Variants in GABRG2 observed in about 807,000 individuals in gnomAD.
GABRG2 encodes gamma-aminobutyric acid receptor subunit gamma-2.
GABRG2 carries 16 observed loss-of-function variants against 56.4 expected under a neutral mutation model. The observed-to-expected ratio is 0.28, with a 90% confidence interval of 0.19 to 0.43. The LOEUF (loss-of-function observed/expected upper bound fraction) is 0.43, where lower values mean the gene tolerates loss of function less well. Ranked by LOEUF, GABRG2 falls within the 20% of genes least tolerant of loss-of-function variation. The pLI is 1.00. For missense variants in GABRG2, 327 were observed against 582.7 expected (o/e 0.56, Z 4.52); for synonymous variants, 208 against 205.5 (o/e 1.01, Z -0.10).
intron 6 of GABRG2, among the ~76,000 whole-genome samples, chr5:162,111,018 G>T (rs2113418434): frequency 6.6e-6 from 1 of 152,152 alleles, no homozygotes; most frequent in Non-Finnish European, 1.5e-5. Flanking sequence ...TTGATTAGAT[G>T]CTTCTCTAAA....
intron 1 of GABRG2, among the ~76,000 whole-genome samples, chr5:162,087,360 T>A (rs940553293): frequency 6.6e-6 from 1 of 152,074 alleles, no homozygotes; most frequent in African/African-American, 2.4e-5. Context: ...GGTTAAATAT[T>A]TATCATTTTC....
chr5:162,068,390 C>T (rs1208501805), intron 1 of GABRG2, among the ~76,000 whole-genome samples: 1 of 152,020 alleles, frequency 6.6e-6, no homozygotes, highest in Non-Finnish European at 1.5e-5. Context: ...AGCATTTTGA[C>T]ATTATTGCAA....
intron 1 of GABRG2, among the ~76,000 whole-genome samples, chr5:162,087,074 A>G (rs1012062241): frequency 1.2e-4 from 18 of 151,962 alleles, no homozygotes; most frequent in African/African-American, 2.4e-4. Context: ...TTTCCCTTTT[A>G]TTTAAGAAGG....
chr5:162,087,536 A>G (rs1760222039), intron 1 of GABRG2, among the ~76,000 whole-genome samples: 1 of 152,128 alleles, frequency 6.6e-6, no homozygotes, highest in South Asian at 2.1e-4. Flanking sequence ...ATACATACAA[A>G]GAAGCATAGA....
intron 6 of GABRG2, among the ~76,000 whole-genome samples, chr5:162,123,081 A>T (rs1310207889): frequency 6.6e-6 from 1 of 151,806 alleles, no homozygotes; most frequent in African/African-American, 2.4e-5. Flanking sequence ...CATGAAAATC[A>T]TTGTATATTT....
rs150379599 is a variant in GABRG2 at position 162,141,239 on chromosome 5, G to A, written c.770-925G>A. Among the ~76,000 whole-genome samples, 1,395 of 152,130 alleles carry A rather than the reference G, an allele frequency of 9.2e-3. 31 individuals are homozygous for A. The highest frequency in any genetic ancestry group is 0.032 in the African/African-American group (1,332 of 41,516). Reference sequence around the variant, plus strand: ...TTTTTAGTAGAGACGGGGTTTCACCGTGTTAGCCAGGATGGTCTCGATTTC... The same window carrying A: ...TTTTTAGTAGAGACGGGGTTTCACCATGTTAGCCAGGATGGTCTCGATTTC... On this transcript the variant is annotated intron_variant, in intron 6 of 9. Coordinates refer to ENST00000639213, the MANE Select transcript of GABRG2 (RefSeq NM_198904.4).
At chr5:162,138,936 T>C (rs1035705732) in intron 6 of GABRG2, among the ~76,000 whole-genome samples, 2 of 152,032 alleles carry the variant, frequency 1.3e-5, no homozygotes, top group Non-Finnish European at 2.9e-5. Context: ...TAGTTTCATG[T>C]GGAAAATGAG....
intron 6 of GABRG2, among the ~76,000 whole-genome samples, chr5:162,121,632 G>T (rs1233969662): frequency 6.6e-6 from 1 of 152,038 alleles, no homozygotes; most frequent in Non-Finnish European, 1.5e-5. Context: ...TCCTTTATAA[G>T]ACTGACTGTA....
At chr5:162,074,542 T>A (rs1758935011) in intron 1 of GABRG2, among the ~76,000 whole-genome samples, 1 of 152,054 alleles carries the variant, frequency 6.6e-6, no homozygotes, top group Non-Finnish European at 1.5e-5. Flanking sequence ...TTACTGTATA[T>A]TTATATAAAT....
chr5:162,144,782 G>A (rs752244816), intron 7 of GABRG2, among the ~76,000 whole-genome samples: 1 of 152,206 alleles, frequency 6.6e-6, no homozygotes, highest in South Asian at 2.1e-4. Flanking sequence ...GGTGAGAAGC[G>A]GAGCTGAGCC....
intron 2 of GABRG2, among the ~76,000 whole-genome samples, chr5:162,095,156 G>A (rs1308174895): frequency 1.3e-5 from 2 of 152,132 alleles, no homozygotes; most frequent in Non-Finnish European, 2.9e-5. Flanking sequence ...CAATTTCAGA[G>A]CTTGAAGGAA....
rs777266512 is a variant in GABRG2, at chr5:162,093,814, A to G, written c.108-14A>G. On this transcript the variant is annotated splice_polypyrimidine_tract_variant and intron_variant, in intron 1 of 9. Coordinates refer to ENST00000639213, the MANE Select transcript of GABRG2 (RefSeq NM_198904.4). Reference sequence around the variant, plus strand: ...GTAATCTATGTGTTTTTTGACCAATATGTTTTTTCTTAGCTTCACTAGCCA... The same window carrying G: ...GTAATCTATGTGTTTTTTGACCAATGTGTTTTTTCTTAGCTTCACTAGCCA... 6 of 1,611,884 alleles carry G rather than the reference A, an allele frequency of 3.7e-6. No homozygotes were observed. In the Admixed American group the frequency reaches 1.0e-4, roughly 27 times the overall value.
intron 1 of GABRG2, among the ~76,000 whole-genome samples, chr5:162,082,196 A>G (rs1759720757): frequency 6.6e-6 from 1 of 151,844 alleles, no homozygotes; most frequent in Non-Finnish European, 1.5e-5. Flanking sequence ...GGGAAGAAGC[A>G]TGGATTCTAT....
chr5:162,149,073 A>G (rs1346174137), intron 7 of GABRG2, 35 bp from the exon 8 acceptor site: 1 of 1,602,962 alleles, frequency 6.2e-7, no homozygotes, highest in East Asian at 2.2e-5. Flanking sequence ...TTGCTTATGC[A>G]ATCACATGAC....
rs903226138 is a variant in GABRG2 at position 162,149,494 on chromosome 5, A to C, written c.1128+181A>C. 5 of 733,444 alleles carry C rather than the reference A, an allele frequency of 6.8e-6. No homozygotes were observed. In the African/African-American group the frequency reaches 8.5e-5, roughly 13 times the overall value. 45.4% of individuals were successfully genotyped at this position (733,444 alleles called of 1,614,324 possible). On this transcript the variant is annotated intron_variant, in intron 8 of 9. Coordinates refer to ENST00000639213, the MANE Select transcript of GABRG2 (RefSeq NM_198904.4). ...TCATTAGTTACTTGAGAGAGACTCA[A>C]GTCTGTTTCTATTTTCTGTGTCAGA...
At chr5:162,067,758 G>A, upstream of GABRG2, 2 of 610,660 alleles carry the variant, frequency 3.3e-6, no homozygotes, top group Non-Finnish European at 5.8e-6. Context: ...TACTCCCCCA[G>A]ACTTGGAAGC....
intron 4 of GABRG2, chr5:162,098,951 A>C (rs896023945): frequency 3.3e-5 from 5 of 152,152 alleles, no homozygotes; most frequent in African/African-American, 1.2e-4. Flanking sequence ...AGTTGCTATA[A>C]GGACAAAATA....
intron 1 of GABRG2, among the ~76,000 whole-genome samples, chr5:162,072,779 C>T (rs1758781078): frequency 6.6e-6 from 1 of 151,642 alleles, no homozygotes; most frequent in South Asian, 2.1e-4. Flanking sequence ...ACTAGGAAAC[C>T]AAGATTATAG....
intron 9 of GABRG2, chr5:162,152,595 A>G: frequency 4.1e-6 from 1 of 241,512 alleles, no homozygotes; most frequent in South Asian, 5.0e-5. Context: ...AAAATTCTGT[A>G]TTTATATATA....
Sources: gnomAD v4.1 joint callset for allele counts (sites outside exome capture counted in the v4.1 genomes callset) on GRCh38, gnomAD v4.1.1 for gene constraint, MANE v1.5 for transcripts, NCBI Gene and HGNC (gene_info 2026-07-23, HGNC 2026-07-21) for gene names.